The following ETFA variants were observed in gnomAD, a reference collection of about 807,000 sequenced individuals.
ETFA encodes electron transfer flavoprotein subunit alpha.
Under a neutral mutation model 46.2 loss-of-function variants are expected in ETFA, and 22 were observed. The ratio of observed to expected loss-of-function variants is 0.48; its 90% CI spans 0.34 to 0.68. The LOEUF (loss-of-function observed/expected upper bound fraction) is 0.68. ETFA is among the 30% of genes least tolerant of loss of function. The pLI is 0.01. For synonymous variants in ETFA, 131 were observed against 139.9 expected (o/e 0.94, Z 0.45); for missense variants, 345 against 401.1 (o/e 0.86, Z 1.19).
intron 10 of ETFA, chr15:76,230,055 G>A (rs2039048184): frequency 2.0e-5 from 3 of 151,632 alleles, no homozygotes; most frequent in Admixed American, 1.3e-4. Context: ...GGCTGAGGCA[G>A]GAGAATGGCG....
chr15:76,237,582 G>A (rs775571299), intron 9 of ETFA, among the ~76,000 whole-genome samples: 1 of 152,176 alleles, frequency 6.6e-6, no homozygotes, highest in Non-Finnish European at 1.5e-5. Flanking sequence ...AGGCTCAACT[G>A]CTGTTATGTG....
intron 9 of ETFA, chr15:76,245,104 C>G (rs1005601890): frequency 2.0e-4 from 30 of 152,290 alleles, no homozygotes; most frequent in Non-Finnish European, 3.8e-4. Context: ...ATACAAACCA[C>G]AGTTTATAAA....
At chr15:76,261,693 G>C in intron 9 of ETFA, 1 of 316,232 alleles carries the variant, frequency 3.2e-6, no homozygotes, top group East Asian at 6.7e-5. Flanking sequence ...AGCACCATCT[G>C]TGGTGATGCC....
At chr15:76,264,096 C>T (rs936723048) in intron 9 of ETFA, among the ~76,000 whole-genome samples, 6 of 152,196 alleles carry the variant, frequency 3.9e-5, no homozygotes, top group Admixed American at 6.5e-5. Flanking sequence ...CAGAATATAG[C>T]TAATTGGGCC....
At chr15:76,228,840 C>T (rs527583088) in intron 10 of ETFA, 82 of 156,936 alleles carry the variant, frequency 5.2e-4, no homozygotes, top group Admixed American at 9.2e-4. Context: ...CTGCAGCCTC[C>T]GCCTCCTGGA....
At chr15:76,259,803 C>T in intron 9 of ETFA, 6 of 1,602,940 alleles carry the variant, frequency 3.7e-6, no homozygotes, top group Non-Finnish European at 5.1e-6. Context: ...CAGGCAATGT[C>T]CACCATGAAC....
At chr15:76,237,674 C>A (rs534205377) in intron 9 of ETFA, among the ~76,000 whole-genome samples, 1 of 152,270 alleles carries the variant, frequency 6.6e-6, no homozygotes, top group African/African-American at 2.4e-5. Flanking sequence ...CAAAATATTT[C>A]TATAATGCTA....
At chr15:76,235,382 AT>A (rs1350825762) in intron 9 of ETFA, among the ~76,000 whole-genome samples, 2 of 152,176 alleles carry the variant, frequency 1.3e-5, no homozygotes, top group African/African-American at 4.8e-5. Flanking sequence ...ATAGCCCTGC[AT>A]TTTTATTACA....
chr15:76,275,697 T>A (rs1245136849), intron 8 of ETFA, among the ~76,000 whole-genome samples: 1 of 152,236 alleles, frequency 6.6e-6, no homozygotes, highest in African/African-American at 2.4e-5. Context: ...TTCCACCAAC[T>A]GAGCATTTTA....
At chr15:76,227,946 G>C in intron 10 of ETFA, 2 of 456,036 alleles carry the variant, frequency 4.4e-6, no homozygotes, top group Non-Finnish European at 8.8e-6. Context: ...CATAGTCAGA[G>C]ACAATAAACA....
Position 76,222,138 on chromosome 15 carries a change from A to G in ETFA, c.963+3711T>C, listed in dbSNP as rs531568914. Among the ~76,000 whole-genome samples the G allele has an allele frequency of 2.7e-4, 41 of 151,344 alleles. 1 individual carries two copies. The South Asian group carries it at 8.3e-3, about 31-fold the overall frequency. ...TAATTAATTCTCACCCATAATTTGT[A>G]TAATTAATTGTATTTCTTAATGTTA... On this transcript the variant is annotated intron_variant, in intron 11 of 11. Coordinates refer to ENST00000557943, the MANE Select transcript of ETFA (RefSeq NM_000126.4).
chr15:76,288,575 G>A (rs1326897548), intron 4 of ETFA, among the ~76,000 whole-genome samples: 2 of 151,974 alleles, frequency 1.3e-5, no homozygotes, highest in Admixed American at 1.3e-4. Flanking sequence ...GGATGGTGGT[G>A]TATGCCTGTA....
At chr15:76,227,737 G>C in intron 10 of ETFA, 8 of 444,404 alleles carry the variant, frequency 1.8e-5, no homozygotes, top group South Asian at 1.3e-4. Flanking sequence ...TGTGAAAACA[G>C]CTGGTATTAA....
Position 76,294,200 on chromosome 15 carries a change from G to C in ETFA, c.186+1391C>G, listed in dbSNP as rs185749267. 2.4e-3 allele frequency among the ~76,000 whole-genome samples: 372 copies of C among 152,268 alleles called. 2 individuals carry two copies. The highest frequency in any genetic ancestry group is 8.5e-3 in the African/African-American group (353 of 41,564). Reference sequence around the variant, plus strand: ...TCTCAAAGTAGTATAAAGTATCAAAGTCTTTTTAAAGTAATATTACAATAA... The same window carrying C: ...TCTCAAAGTAGTATAAAGTATCAAACTCTTTTTAAAGTAATATTACAATAA... On this transcript the variant is annotated intron_variant, in intron 2 of 11. Coordinates refer to ENST00000557943, the MANE Select transcript of ETFA (RefSeq NM_000126.4).
chr15:76,259,952 C>T (rs577170602), intron 9 of ETFA: 7 of 1,398,514 alleles, frequency 5.0e-6, no homozygotes, highest in South Asian at 1.2e-5. Flanking sequence ...CAGAGGCTTA[C>T]CCCAACAAGT....
intron 1 of ETFA, among the ~76,000 whole-genome samples, chr15:76,302,175 C>T (rs1352156732): frequency 6.6e-6 from 1 of 152,168 alleles, no homozygotes. Context: ...CTAGCAACTG[C>T]ACTCCTTTGT....
At chr15:76,300,551 CAG>C (rs1457524731) in intron 1 of ETFA, among the ~76,000 whole-genome samples, 1 of 151,362 alleles carries the variant, frequency 6.6e-6, no homozygotes, top group East Asian at 1.9e-4. Context: ...TATTACCCCA[CAG>C]AGTCTCCCAA....
At chr15:76,247,696 C>A (rs754659508) in intron 9 of ETFA, among the ~76,000 whole-genome samples, 1 of 152,138 alleles carries the variant, frequency 6.6e-6, no homozygotes, top group South Asian at 2.1e-4. Flanking sequence ...CATTATGGTA[C>A]GTGTTTGGAG....
chr15:76,261,890 T>C (rs962688703), intron 9 of ETFA, among the ~76,000 whole-genome samples: 14 of 152,224 alleles, frequency 9.2e-5, no homozygotes, highest in Admixed American at 2.0e-4. Flanking sequence ...GGTTCACACC[T>C]GTAACCCCAG....
Sources: gnomAD v4.1 joint callset for allele counts (sites outside exome capture counted in the v4.1 genomes callset) on GRCh38, gnomAD v4.1.1 for gene constraint, MANE v1.5 for transcripts, NCBI Gene and HGNC (gene_info 2026-07-23, HGNC 2026-07-21) for gene names.